Variants in ANAPC1 observed in about 807,000 individuals in gnomAD.
The protein encoded by ANAPC1 is anaphase-promoting complex subunit 1.
Under a neutral mutation model 208.0 loss-of-function variants are expected in ANAPC1, and 36 were observed. The ratio of observed to expected loss-of-function variants is 0.17; its 90% CI spans 0.13 to 0.23. ANAPC1 has a LOEUF of 0.23. ANAPC1 is among the 10% of genes least tolerant of loss of function. The pLI, the probability that ANAPC1 is intolerant of heterozygous loss-of-function variation, is 1.00. For synonymous variants in ANAPC1, 378 were observed against 695.2 expected (o/e 0.54, Z 7.18); for missense variants, 942 against 2,011.6 (o/e 0.47, Z 10.17).
chr2:111,783,510 G>T (rs1320184407), intron 42 of ANAPC1, among the ~76,000 whole-genome samples: 1 of 151,628 alleles, frequency 6.6e-6, no homozygotes, highest in African/African-American at 2.4e-5. Flanking sequence ...GCAGAACTGT[G>T]AGTCAATTAA....
At position 111,848,539 on chromosome 2, in the gene ANAPC1, G is replaced by C. The variant is rs187979371; in HGVS notation, c.1651-674C>G. Among the ~76,000 whole-genome samples, 119 of 152,256 alleles carry C rather than the reference G, an allele frequency of 7.8e-4. 2 individuals carry two copies. The East Asian group carries it at 0.019, about 24-fold the overall frequency. On this transcript the variant is annotated intron_variant, in intron 14 of 47. Transcript: ENST00000341068. Reference sequence around the variant, plus strand: ...TGCCTATAATCCCAGCACCTTGGGAGGCTGAGGCGGGTGGATCACTTGAGG... The same window carrying C: ...TGCCTATAATCCCAGCACCTTGGGACGCTGAGGCGGGTGGATCACTTGAGG...
chr2:111,851,280 T>G (rs1681381372), intron 13 of ANAPC1, among the ~76,000 whole-genome samples: 1 of 152,130 alleles, frequency 6.6e-6, no homozygotes, highest in South Asian at 2.1e-4. Flanking sequence ...TTTTGTATTT[T>G]TTGGTAGAGA....
intron 1 of ANAPC1, among the ~76,000 whole-genome samples, chr2:111,883,375 C>A (rs559954318): frequency 6.6e-6 from 1 of 151,802 alleles, no homozygotes; most frequent in Non-Finnish European, 1.5e-5. Flanking sequence ...CATTTTGTAC[C>A]GATTAATGCC....
At chr2:111,830,714 A>G (rs906308474) in intron 21 of ANAPC1, among the ~76,000 whole-genome samples, 1 of 152,232 alleles carries the variant, frequency 6.6e-6, no homozygotes, top group African/African-American at 2.4e-5. Flanking sequence ...ATCTCTCAGA[A>G]AGACAAAAAT....
At chr2:111,792,815 T>C (rs1363782562) in intron 37 of ANAPC1, among the ~76,000 whole-genome samples, 2 of 151,796 alleles carry the variant, frequency 1.3e-5, no homozygotes, top group Non-Finnish European at 1.5e-5. Flanking sequence ...TAGCCGGGCG[T>C]GGTGGCGGGC....
intron 21 of ANAPC1, among the ~76,000 whole-genome samples, chr2:111,828,470 C>T (rs1367155574): frequency 2.6e-5 from 4 of 152,152 alleles, no homozygotes; most frequent in South Asian, 2.1e-4. Context: ...AAAGCAGAGA[C>T]TTGAACAGAT....
rs373356192 is a variant in ANAPC1, at chr2:111,856,933, A to G, written c.1359-47T>C. On this transcript the variant is annotated intron_variant, in intron 11 of 47. Transcript: ENST00000341068. ...AAACTTGATACATGCAACAACCTGTATGGGTATTAAAAGTATTATACTGAA... is the reference window on the plus strand; with the variant it reads ...AAACTTGATACATGCAACAACCTGTGTGGGTATTAAAAGTATTATACTGAA... 2.8e-6 allele frequency: 4 copies of G among 1,428,812 alleles called. No individual in the cohort carries two copies. The African/African-American group carries it at 4.3e-5, about 15-fold the overall frequency. 88.5% of individuals were successfully genotyped at this position (1,428,812 alleles called of 1,614,324 possible).
At chr2:111,826,339 T>C (rs1679830074) in intron 21 of ANAPC1, among the ~76,000 whole-genome samples, 1 of 152,226 alleles carries the variant, frequency 6.6e-6, no homozygotes, top group South Asian at 2.1e-4. Flanking sequence ...AAAAGTTCCC[T>C]TGTTCCTTTT....
intron 27 of ANAPC1, among the ~76,000 whole-genome samples, chr2:111,816,275 A>C (rs1361929439): frequency 6.7e-6 from 1 of 148,918 alleles, no homozygotes; most frequent in Admixed American, 6.6e-5. Flanking sequence ...AAAAAGAAAA[A>C]AAAAAAAGGA....
At chr2:111,788,406 T>C in intron 38 of ANAPC1, 86 bp from the exon 39 acceptor site, 1 of 1,548,280 alleles carries the variant, frequency 6.5e-7, no homozygotes, top group Non-Finnish European at 8.8e-7. Flanking sequence ...GAAACTGGTG[T>C]ATAATAGTAA....
intron 47 of ANAPC1, among the ~76,000 whole-genome samples, chr2:111,770,419 G>C (rs1016068733): frequency 2.1e-5 from 3 of 142,862 alleles, no homozygotes; most frequent in African/African-American, 5.6e-5. Context: ...GACTAGGTAT[G>C]GTTTTCTTTG....
chr2:111,810,403 T>C (rs113870763), intron 28 of ANAPC1, among the ~76,000 whole-genome samples: 37,179 of 151,952 alleles, frequency 0.24, 4,669 homozygotes, highest in Middle Eastern at 0.37. Flanking sequence ...GTGATGGATG[T>C]ACAACTCTGT....
intron 16 of ANAPC1, among the ~76,000 whole-genome samples, chr2:111,845,004 C>G (rs1332223482): frequency 6.6e-6 from 1 of 152,122 alleles, no homozygotes; most frequent in Non-Finnish European, 1.5e-5. Context: ...TGCCAGCATG[C>G]CTGGCTAATT....
intron 3 of ANAPC1, among the ~76,000 whole-genome samples, chr2:111,874,412 C>A (rs1322587630): frequency 6.6e-6 from 1 of 152,040 alleles, no homozygotes; most frequent in African/African-American, 2.4e-5. Flanking sequence ...AAACTCCGTG[C>A]CCATTAAACA....
At chr2:111,882,913 A>C (rs1038332844) in intron 1 of ANAPC1, among the ~76,000 whole-genome samples, 1 of 152,090 alleles carries the variant, frequency 6.6e-6, no homozygotes, top group African/African-American at 2.4e-5. Context: ...CACGCCTGTA[A>C]TCCCAGCACT....
Position 111,879,975 on chromosome 2 carries a change from C to A in ANAPC1, c.213+638G>T, listed in dbSNP as rs1234135519. On this transcript the variant is annotated intron_variant, in intron 2 of 47. Coordinates refer to ENST00000341068, the MANE Select transcript of ANAPC1 (RefSeq NM_022662.4). ...AGCAGGGACTACTTCTAATCTCTAC[C>A]ATTTAATCATTAGATAACATGAAAT... is the stretch of plus-strand genomic sequence containing the variant. Among the ~76,000 whole-genome samples the A allele has an allele frequency of 2.6e-5, 4 of 152,178 alleles. No individual in the cohort carries two copies. In the East Asian group the frequency reaches 7.7e-4, roughly 29 times the overall value.
intron 46 of ANAPC1, among the ~76,000 whole-genome samples, chr2:111,773,539 A>G (rs1243925284): frequency 6.6e-6 from 1 of 152,178 alleles, no homozygotes; most frequent in Non-Finnish European, 1.5e-5. Flanking sequence ...CTTGCAAACA[A>G]AGGCATTTTG....
In ANAPC1 at chr2:111,847,869, T is replaced by C. The variant is rs200925013; in HGVS notation, c.1651-4A>G. 2.6e-6 allele frequency: 4 copies of C among 1,562,572 alleles called. No homozygotes were observed. The highest frequency in any genetic ancestry group is 3.5e-6 in the Non-Finnish European group (4 of 1,158,686). On this transcript the variant is annotated splice_region_variant and splice_polypyrimidine_tract_variant and intron_variant, in intron 14 of 47. Transcript: ENST00000341068. ...GAACTGGGGACAACAGAACAACCTGTAAAAAGTTGTAAATACGATACAAAT... is the reference window on the plus strand; with the variant it reads ...GAACTGGGGACAACAGAACAACCTGCAAAAAGTTGTAAATACGATACAAAT...
At chr2:111,824,083 G>T (rs557278138) in intron 24 of ANAPC1, among the ~76,000 whole-genome samples, 1 of 149,302 alleles carries the variant, frequency 6.7e-6, no homozygotes, top group Non-Finnish European at 1.5e-5. Flanking sequence ...ATAAAAAGTC[G>T]ATTAACTATT....
Sources: allele counts gnomAD v4.1 joint callset (sites outside exome capture counted in the v4.1 genomes callset), GRCh38; gene constraint gnomAD v4.1.1; transcripts MANE v1.5; gene names NCBI Gene and HGNC (gene_info 2026-07-23, HGNC 2026-07-21).